SLC35A1: variants seen among roughly 807,000 people sequenced by gnomAD.
The protein encoded by SLC35A1 is solute carrier family 35 member A1, also known as CMP-sialic acid transporter.
SLC35A1 carries 21 observed loss-of-function variants against 40.3 expected under a neutral mutation model. The ratio of observed to expected loss-of-function variants is 0.52; its 90% CI spans 0.37 to 0.75. SLC35A1 has a LOEUF of 0.75. Among genes scored for constraint, SLC35A1 ranks in the 30% least tolerant of loss-of-function variants. The probability of loss-of-function intolerance (pLI) is 0.00; values close to 1 mark genes in which losing one functional copy is unlikely to be tolerated. For missense variants in SLC35A1, 297 were observed against 382.1 expected (o/e 0.78, Z 1.86); for synonymous variants, 146 against 147.3 (o/e 0.99, Z 0.06).
Position 87,473,017 on chromosome 6 carries a change from GA to G in SLC35A1, c.15del (p.Asp6ThrfsTer14). ...TGTCGGGGAACCATGGCTGCCCCGA[GA>G]GGTGAGAACTGGGTCTGCTGGGAGT... MAAP[R>X]DNVTLLFKLY... is the part of the protein sequence containing the mutation. On this transcript the variant is annotated frameshift_variant and splice_region_variant, in exon 1 of 8. Transcript: ENST00000369552. LOFTEE classifies it high-confidence loss of function. The G allele has an allele frequency of 1.5e-6, 1 of 675,244 alleles. No homozygotes were observed. The allele number at this position is 675,244 out of a possible 1,614,324, so 41.8% of individuals were successfully genotyped here. A position where few individuals can be genotyped will look rare whatever the true frequency, so the allele number is the denominator to read the frequency against.
At chr6:87,484,939 A>T (rs1181450600) in intron 2 of SLC35A1, among the ~76,000 whole-genome samples, 1 of 152,246 alleles carries the variant, frequency 6.6e-6, no homozygotes, top group African/African-American at 2.4e-5. Context: ...AGGAGCAGCA[A>T]ATCAAAGGGC....
At chr6:87,484,504 C>T (rs1456933514) in intron 2 of SLC35A1, among the ~76,000 whole-genome samples, 1 of 152,166 alleles carries the variant, frequency 6.6e-6, no homozygotes, top group Admixed American at 6.5e-5. Flanking sequence ...GCTGCTGTGT[C>T]ATTCACCTAT....
chr6:87,499,354 T>C (rs1442261223), intron 2 of SLC35A1, among the ~76,000 whole-genome samples: 1 of 152,234 alleles, frequency 6.6e-6, no homozygotes, highest in Admixed American at 6.5e-5. Context: ...CAAAGTATTA[T>C]GGTTTTCTTA....
chr6:87,484,096 G>A (rs1769325671), intron 2 of SLC35A1, among the ~76,000 whole-genome samples: 2 of 152,192 alleles, frequency 1.3e-5, no homozygotes, highest in African/African-American at 4.8e-5. Flanking sequence ...ATTGGTCTGT[G>A]CACAGTCATT....
chr6:87,481,198 C>T (rs1769232953), intron 2 of SLC35A1, among the ~76,000 whole-genome samples: 1 of 151,910 alleles, frequency 6.6e-6, no homozygotes, highest in Admixed American at 6.5e-5. Flanking sequence ...GGTGGATCAC[C>T]TGAGGTCAGG....
At chr6:87,483,834 C>A (rs545192141) in intron 2 of SLC35A1, among the ~76,000 whole-genome samples, 78 of 152,152 alleles carry the variant, frequency 5.1e-4, no homozygotes, top group Non-Finnish European at 1.0e-3. Flanking sequence ...GCTGCTCCCC[C>A]AAGGGAGAAT....
Position 87,511,887 on chromosome 6 carries a change from G to C in SLC35A1, c.*361G>C. On this transcript the variant is annotated 3_prime_UTR_variant, in exon 8 of 8. Transcript: ENST00000369552. Reference sequence around the variant, plus strand: ...AATGTCTAAGGGTTAAAGTGCCAAAGCCATTTCTGTACTAACTGTTCTCTT... The same window carrying C: ...AATGTCTAAGGGTTAAAGTGCCAAACCCATTTCTGTACTAACTGTTCTCTT... 1 of 314,706 alleles carries C rather than the reference G, an allele frequency of 3.2e-6. No individual in the cohort carries two copies. Among genetic ancestry groups the C allele is most frequent in the South Asian group, 3.0e-5 (1 of 33,788 alleles). The allele number at this position is 314,706 out of a possible 1,614,324, so 19.5% of individuals were successfully genotyped here.
At chr6:87,491,195 C>A (rs1769541839) in intron 2 of SLC35A1, among the ~76,000 whole-genome samples, 1 of 152,120 alleles carries the variant, frequency 6.6e-6, no homozygotes, top group Admixed American at 6.6e-5. Flanking sequence ...ACGAGCATCC[C>A]AAATCTGAAA....
intron 2 of SLC35A1, chr6:87,496,175 A>G (rs1301849885): frequency 6.6e-6 from 1 of 152,144 alleles, no homozygotes; most frequent in Non-Finnish European, 1.5e-5. Flanking sequence ...AGAGGTCAGA[A>G]AGAATGGTTT....
At chr6:87,505,488 G>A (rs985764) in intron 4 of SLC35A1, among the ~76,000 whole-genome samples, 92,636 of 152,052 alleles carry the variant, frequency 0.61, 29,021 homozygotes, top group African/African-American at 0.75. Context: ...GCTGTGTATT[G>A]TAATCTTCTT....
chr6:87,509,261 T>C (rs1770181488), intron 7 of SLC35A1, 86 bp downstream of exon 7: 6 of 1,515,666 alleles, frequency 4.0e-6, no homozygotes, highest in Non-Finnish European at 4.6e-6. Flanking sequence ...AAAGTGGCAG[T>C]TGGTCATACT....
At chr6:87,509,002 T>C in intron 6 of SLC35A1, 39 bp from the exon 7 acceptor site, 1 of 1,610,156 alleles carries the variant, frequency 6.2e-7, no homozygotes, top group Non-Finnish European at 8.5e-7. Context: ...ATGTTTCATT[T>C]ATTTGAGTGA....
chr6:87,494,726 A>C (rs934900870), intron 2 of SLC35A1, among the ~76,000 whole-genome samples: 2 of 152,128 alleles, frequency 1.3e-5, no homozygotes, highest in East Asian at 3.8e-4. Context: ...CACCCGGCCA[A>C]ATATTTGAAT....
At chr6:87,484,355 A>C (rs1223751991) in intron 2 of SLC35A1, among the ~76,000 whole-genome samples, 1 of 152,188 alleles carries the variant, frequency 6.6e-6, no homozygotes, top group Non-Finnish European at 1.5e-5. Flanking sequence ...TAGCACTCGA[A>C]TATAAAATTT....
chr6:87,479,176 C>A (rs1310910826), intron 2 of SLC35A1, among the ~76,000 whole-genome samples: 2 of 152,218 alleles, frequency 1.3e-5, no homozygotes, highest in Non-Finnish European at 2.9e-5. Context: ...ATTTAGAACT[C>A]ATATCTAACA....
intron 2 of SLC35A1, among the ~76,000 whole-genome samples, chr6:87,478,385 G>A (rs1769136329): frequency 6.6e-6 from 1 of 152,122 alleles, no homozygotes; most frequent in Admixed American, 6.6e-5. Context: ...AATCTAATAG[G>A]TAAATTACCA....
chr6:87,508,711 C>T (rs1241276659), intron 6 of SLC35A1, 115 bp downstream of exon 6: 3 of 906,598 alleles, frequency 3.3e-6, no homozygotes, highest in Non-Finnish European at 3.3e-6. Context: ...CTGTAAATAC[C>T]AGTTTGAATA....
In SLC35A1 at chr6:87,481,448, G is replaced by T. The variant is rs553204688; in HGVS notation, c.194+3909G>T. 3.3e-5 allele frequency among the ~76,000 whole-genome samples: 5 copies of T among 151,720 alleles called. No individual in the cohort carries two copies. In the East Asian group the frequency reaches 5.8e-4, roughly 18 times the overall value. ...AAAAAAAAAAAATTGGGGGACACCA[G>T]CAGTGGACTTTATAGTCCTTAGTGC... On this transcript the variant is annotated intron_variant, in intron 2 of 7. Coordinates refer to ENST00000369552, the MANE Select transcript of SLC35A1 (RefSeq NM_006416.5).
rs1054402497 is a variant in SLC35A1, at chr6:87,500,585, TAA to T, written c.273_274del (p.Ser92CysfsTer18). The T allele has an allele frequency of 3.1e-6, 5 of 1,614,134 alleles. No individual in the cohort carries two copies. The highest frequency in any genetic ancestry group is 4.2e-6 in the Non-Finnish European group (5 of 1,179,994). ...GGGAGCCCCAAGGAACTGTTGAAGT[TAA>T]GTGTGCCATCGTTAGTGTATGCTGT... On this transcript the variant is annotated frameshift_variant, in exon 3 of 8. Coordinates refer to ENST00000369552, the MANE Select transcript of SLC35A1 (RefSeq NM_006416.5). LOFTEE classifies it high-confidence loss of function.
Sources: gnomAD v4.1 joint callset for allele counts (sites outside exome capture counted in the v4.1 genomes callset) on GRCh38, gnomAD v4.1.1 for gene constraint, MANE v1.5 for transcripts, NCBI Gene and HGNC (gene_info 2026-07-23, HGNC 2026-07-21) for gene names.